MEF2C: variants seen among roughly 807,000 people sequenced by gnomAD.
MEF2C encodes the protein myocyte-specific enhancer factor 2C.
MEF2C carries 6 observed loss-of-function variants against 50.5 expected under a neutral mutation model. That is an observed-to-expected ratio of 0.12 (90% CI 0.07 to 0.23). The LOEUF is 0.23. Ranked by LOEUF, MEF2C falls within the 10% of genes least tolerant of loss-of-function variation. The pLI is 1.00. For synonymous variants in MEF2C, 183 were observed against 228.0 expected, an observed-to-expected ratio of 0.80 and a Z score of 1.78; for missense variants, 276 against 605.0, an observed-to-expected ratio of 0.46 and a Z score of 5.70.
chr5:88,744,772 G>T (rs1243266875), intron 6 of MEF2C, among the ~76,000 whole-genome samples: 1 of 152,084 alleles, frequency 6.6e-6, no homozygotes, highest in Non-Finnish European at 1.5e-5. Flanking sequence ...ATTACCCTTT[G>T]TCTTCATCTT....
In MEF2C at chr5:88,822,166, A is replaced by T. The variant is rs1808697889; in HGVS notation, c.54+1569T>A. ...ATTTTCTTCTAACTTTGCAAGCAAA[A>T]GAAGATATAATGAATATCATAAACC... On this transcript the variant is annotated intron_variant, in intron 2 of 10. Coordinates refer to ENST00000504921, the MANE Select transcript of MEF2C (RefSeq NM_002397.5). Among the ~76,000 whole-genome samples the T allele has an allele frequency of 3.9e-5, 6 of 152,150 alleles. 1 individual carries two copies. The highest frequency in any genetic ancestry group is 1.4e-4 in the African/African-American group (6 of 41,556).
intron 3 of MEF2C, among the ~76,000 whole-genome samples, chr5:88,803,879 C>G (rs915841736): frequency 1.2e-4 from 18 of 152,224 alleles, no homozygotes; most frequent in African/African-American, 4.1e-4. Flanking sequence ...GCTAACACAT[C>G]TAAAACATTT....
At chr5:88,755,628 T>C (rs1774940087) in intron 4 of MEF2C, among the ~76,000 whole-genome samples, 1 of 152,218 alleles carries the variant, frequency 6.6e-6, no homozygotes, top group South Asian at 2.1e-4. Flanking sequence ...CTTTTCCATA[T>C]TTGCTTAGAG....
intron 1 of MEF2C, among the ~76,000 whole-genome samples, chr5:88,890,690 T>A (rs1834439046): frequency 6.6e-6 from 1 of 152,244 alleles, no homozygotes; most frequent in Non-Finnish European, 1.5e-5. Context: ...AATTACTTTA[T>A]GACTGATACC....
chr5:88,867,964 T>C (rs973082956), intron 1 of MEF2C, among the ~76,000 whole-genome samples: 6 of 152,204 alleles, frequency 3.9e-5, no homozygotes, highest in African/African-American at 4.8e-5. Flanking sequence ...GTGAATAATA[T>C]ATATTTTGGG....
chr5:88,806,854 A>G (rs1298662739), intron 2 of MEF2C, among the ~76,000 whole-genome samples: 1 of 152,154 alleles, frequency 6.6e-6, no homozygotes, highest in East Asian at 1.9e-4. Context: ...CATGCTCCAC[A>G]AGGGTATATG....
rs1387744036 is a variant in MEF2C at position 88,799,868 on chromosome 5, TCTCACACACACA to T, written c.258+4718_258+4729del. On this transcript the variant is annotated intron_variant, in intron 3 of 10. Transcript: ENST00000504921. ...CTTTCCTTCTCTCTCTCTCTCTCTC[TCTCACACACACA>T]CACACACACACACACACACACACAC... Among the ~76,000 whole-genome samples, 4 of 95,136 alleles carry T rather than the reference TCTCACACACACA, an allele frequency of 4.2e-5. No homozygotes were observed. In the East Asian group the frequency reaches 1.2e-3, roughly 28 times the overall value. 62.4% of individuals were successfully genotyped at this position (95,136 alleles called of 152,430 possible). A position where few individuals can be genotyped will look rare whatever the true frequency, so the allele number is the denominator to read the frequency against.
chr5:88,773,743 A>T (rs978737710), intron 3 of MEF2C, among the ~76,000 whole-genome samples: 1 of 152,202 alleles, frequency 6.6e-6, no homozygotes, highest in Non-Finnish European at 1.5e-5. Context: ...TAGGAATCCA[A>T]ATGTTCCCCC....
chr5:88,752,146 A>G (rs1773108807), intron 4 of MEF2C, 103 bp from the exon 5 acceptor site: 4 of 1,061,782 alleles, frequency 3.8e-6, no homozygotes, highest in Admixed American at 2.9e-5. Context: ...TCTACATTCC[A>G]AACTACTTTG....
intron 3 of MEF2C, among the ~76,000 whole-genome samples, chr5:88,780,184 A>G (rs1787211607): frequency 6.6e-6 from 1 of 152,070 alleles, no homozygotes; most frequent in African/African-American, 2.4e-5. Context: ...AAAACGAAAA[A>G]CTACAGTTTT....
intron 3 of MEF2C, among the ~76,000 whole-genome samples, chr5:88,762,967 ACTC>A (rs1232198780): frequency 1.3e-5 from 2 of 152,142 alleles, no homozygotes; most frequent in Non-Finnish European, 2.9e-5. Flanking sequence ...AAAAATCTAA[ACTC>A]CTTGGCTCTT....
At chr5:88,884,138 C>G (rs992905305), upstream of MEF2C, among the ~76,000 whole-genome samples, 4 of 152,244 alleles carry the variant, frequency 2.6e-5, no homozygotes, top group African/African-American at 7.2e-5. Flanking sequence ...TAGTCTCCCG[C>G]TGCGGCGCGC....
chr5:88,853,390 T>C (rs1822113982), intron 1 of MEF2C, among the ~76,000 whole-genome samples: 1 of 152,222 alleles, frequency 6.6e-6, no homozygotes, highest in Non-Finnish European at 1.5e-5. Flanking sequence ...GAGCTTCCAT[T>C]AGGACCATTA....
chr5:88,743,174 CAATT>C, intron 6 of MEF2C: 1 of 924,016 alleles, frequency 1.1e-6, no homozygotes, highest in Non-Finnish European at 1.3e-6. Context: ...TTTATACTAA[CAATT>C]AGTTTTCTTA....
chr5:88,816,297 T>C (rs950455595), intron 2 of MEF2C, among the ~76,000 whole-genome samples: 1 of 151,900 alleles, frequency 6.6e-6, no homozygotes, highest in African/African-American at 2.4e-5. Flanking sequence ...TAAAATATCA[T>C]GCACCGAACA....
At chr5:88,873,724 T>G in intron 1 of MEF2C, among the ~76,000 whole-genome samples, 1 of 147,454 alleles carries the variant, frequency 6.8e-6, no homozygotes, top group Non-Finnish European at 1.5e-5. Flanking sequence ...TTTTTTTTTT[T>G]TTTTTTTTTT....
At chr5:88,862,578 G>A (rs1473684269) in intron 1 of MEF2C, among the ~76,000 whole-genome samples, 1 of 151,624 alleles carries the variant, frequency 6.6e-6, no homozygotes, top group African/African-American at 2.4e-5. Flanking sequence ...AACCTTTAAA[G>A]TTTTTTAAAA....
In MEF2C at chr5:88,722,488, C is replaced by CTT. The variant is rs553216678; in HGVS notation, c.*114_*115dup. Reference sequence around the variant, plus strand: ...TACTTTTACAAAACAGAGTACCTGACTTTTTTTTTTTCCACACACGGCACA... The same window carrying CTT: ...TACTTTTACAAAACAGAGTACCTGACTTTTTTTTTTTTTCCACACACGGCACA... On this transcript the variant is annotated 3_prime_UTR_variant, in exon 11 of 11. Coordinates refer to ENST00000504921, the MANE Select transcript of MEF2C (RefSeq NM_002397.5). 9.8e-5 allele frequency: 72 copies of CTT among 734,338 alleles called. No individual in the cohort carries two copies. The highest frequency in any genetic ancestry group is 1.7e-4 in the South Asian group (8 of 46,378). 45.5% of individuals were successfully genotyped at this position (734,338 alleles called of 1,614,324 possible).
At position 88,820,853 on chromosome 5, in the gene MEF2C, C is replaced by A. The variant is rs145207397; in HGVS notation, c.54+2882G>T. Among the ~76,000 whole-genome samples, 389 of 152,108 alleles carry A rather than the reference C, an allele frequency of 2.6e-3. 1 individual carries two copies. Among genetic ancestry groups the A allele is most frequent in the African/African-American group, 8.8e-3 (365 of 41,542 alleles). On this transcript the variant is annotated intron_variant, in intron 2 of 10. Coordinates refer to ENST00000504921, the MANE Select transcript of MEF2C (RefSeq NM_002397.5). ...TAGGCTCTTTCCCAAATGACTCTTACAACTGCTCTCATAGTAGGTGAGAGG... is the reference window on the plus strand; with the variant it reads ...TAGGCTCTTTCCCAAATGACTCTTAAAACTGCTCTCATAGTAGGTGAGAGG...
Sources: allele counts gnomAD v4.1 joint callset (sites outside exome capture counted in the v4.1 genomes callset), GRCh38; gene constraint gnomAD v4.1.1; transcripts MANE v1.5; gene names NCBI Gene and HGNC (gene_info 2026-07-23, HGNC 2026-07-21).